The following TCF20 variants were observed in gnomAD, a reference collection of about 807,000 sequenced individuals.
TCF20 encodes SPRE-binding protein.
A neutral mutation model predicts 148.6 loss-of-function variants in TCF20; 3 were observed. That is an observed-to-expected ratio of 0.02 (90% CI 0.01 to 0.05). The LOEUF is 0.05. Among genes scored for constraint, TCF20 ranks in the 10% least tolerant of loss-of-function variants. TCF20 has a pLI of 1.00. For missense variants in TCF20, 2,350 were observed against 2,429.3 expected (o/e 0.97, Z 0.69); for synonymous variants, 1,049 against 909.5 (o/e 1.15, Z -2.76).
At chr22:42,336,130 G>A (rs758041460) in intron 1 of TCF20, among the ~76,000 whole-genome samples, 40 of 152,232 alleles carry the variant, frequency 2.6e-4, no homozygotes, top group Admixed American at 5.9e-4. Context: ...TGCAGAGGAT[G>A]GCACGGCTGC....
rs891045932 is a variant in TCF20 at position 42,211,423 on chromosome 22, C to T, written c.3883G>A (p.Ala1295Thr). The change falls in exon 2 of 6, where the codon GCA becomes ACA. Residue 1295 changes from alanine (A) to threonine (T), a missense_variant. Transcript: ENST00000677622. The part of the protein sequence containing the change: ...LHSSKEGADK[A>T]FNSYAHLSHS... The stretch of plus-strand genomic sequence containing the variant: ...GAAAGATGGGCATAGGAATTGAATG[C>T]TTTATCAGCGCCTTCTTTTGATGAG... The T allele has an allele frequency of 3.7e-6, 6 of 1,614,038 alleles. No individual in the cohort carries two copies. In the African/African-American group the frequency reaches 6.7e-5, roughly 18 times the overall value.
chr22:42,328,806 C>T (rs917379550), intron 1 of TCF20, among the ~76,000 whole-genome samples: 11 of 152,262 alleles, frequency 7.2e-5, no homozygotes, highest in African/African-American at 2.2e-4. Context: ...TTGCCCCAGA[C>T]GGGGGGGAAA....
intron 1 of TCF20, among the ~76,000 whole-genome samples, chr22:42,275,924 C>T (rs76273908): frequency 0.018 from 2,774 of 152,246 alleles, 92 homozygotes; most frequent in African/African-American, 0.063. Context: ...GTACTGTTCT[C>T]GCCTCATTTT....
chr22:42,326,294 C>T (rs566978227), intron 1 of TCF20, among the ~76,000 whole-genome samples: 2 of 152,292 alleles, frequency 1.3e-5, no homozygotes, highest in South Asian at 2.1e-4. Flanking sequence ...CCCTCTGCCC[C>T]CCACAGGAGT....
rs756240282 is a variant in TCF20, at chr22:42,210,318, C to A, written c.4988G>T (p.Gly1663Val). ...GGTCAGTGACCTCTGACCCTTCCTG[C>A]CCCTCACTAATTTGGTCTGTTCTTC... Reference protein sequence around the residue: ...EEEEQTKLVRGRKGQRSLTPP... With the variant: ...EEEEQTKLVRVRKGQRSLTPP... Residue 1663 changes from glycine to valine, a missense_variant, in exon 2 of 6, where the codon GGC becomes GTC. Gly to Val is a moderately radical substitution (Grantham distance 109). This residue lies in a region of TCF20 where 374 missense variants were observed against 398.3 expected (regional missense o/e 0.94). Coordinates refer to ENST00000677622, the MANE Select transcript of TCF20 (RefSeq NM_001378418.1). The surrounding 1 kb of genome is among the most constrained non-coding windows in gnomAD (Gnocchi z 4.7). The A allele has an allele frequency of 1.2e-6, 2 of 1,614,162 alleles. No individual in the cohort carries two copies. Among genetic ancestry groups the A allele is most frequent in the Non-Finnish European group, 1.7e-6 (2 of 1,180,022 alleles).
In TCF20 at chr22:42,212,270, A is replaced by G. The variant is rs368200692; in HGVS notation, c.3036T>C (p.Phe1012=). Residue 1012 remains phenylalanine (F), a synonymous_variant, in exon 2 of 6, where the codon TTT becomes TTC. Transcript: ENST00000677622. Reference sequence around the variant, plus strand: ...CAGGAGACATTTTCAATTTTTCTGCAAAGTCATGATATTGAGAAGGGGACC... The same window carrying G: ...CAGGAGACATTTTCAATTTTTCTGCGAAGTCATGATATTGAGAAGGGGACC... ...RGRSPSQYHD[F]AEKLKMSPGR... 1.3e-4 allele frequency: 203 copies of G among 1,614,052 alleles called. No individual in the cohort carries two copies. Among genetic ancestry groups the G allele is most frequent in the Non-Finnish European group, 1.7e-4 (199 of 1,180,028 alleles).
At chr22:42,221,739 G>GTTTTTTTTTTTTTTTTTTTTTTTTTTT (rs59283483) in intron 1 of TCF20, among the ~76,000 whole-genome samples, 2 of 92,820 alleles carry the variant, frequency 2.2e-5, no homozygotes, top group African/African-American at 5.1e-5. Flanking sequence ...ATGGCAAAGG[G>GTTTTTTTTTTTTTTTTTTTTTTTTTTT]TTTTTTTTTT....
chr22:42,182,628 G>A (rs2147102892), intron 2 of TCF20, among the ~76,000 whole-genome samples: 1 of 152,324 alleles, frequency 6.6e-6, no homozygotes, highest in Non-Finnish European at 1.5e-5. Context: ...CTGTATTAGG[G>A]ACTTAGAGAA....
intron 1 of TCF20, among the ~76,000 whole-genome samples, chr22:42,253,626 A>G (rs936449740): frequency 2.6e-5 from 4 of 152,228 alleles, no homozygotes; most frequent in Non-Finnish European, 4.4e-5. Flanking sequence ...TTAAAATCTA[A>G]TATTTTGATT....
chr22:42,226,312 A>G (rs1442768722), intron 1 of TCF20, among the ~76,000 whole-genome samples: 2 of 152,236 alleles, frequency 1.3e-5, no homozygotes, highest in Admixed American at 1.3e-4. Context: ...CAAAGGTTGT[A>G]TTAATACATA....
chr22:42,264,785 G>A (rs990356978), intron 1 of TCF20, among the ~76,000 whole-genome samples: 4 of 152,158 alleles, frequency 2.6e-5, no homozygotes, highest in South Asian at 2.1e-4. Context: ...CTCCAGAGTA[G>A]GCTCTTTCTT....
At position 42,317,077 on chromosome 22, in the gene TCF20, T is replaced by A. The variant is rs1226744729; in HGVS notation, c.-37+26402A>T. Among the ~76,000 whole-genome samples, 1 of 151,830 alleles carries A rather than the reference T, an allele frequency of 6.6e-6. No homozygotes were observed. Among genetic ancestry groups the A allele is most frequent in the African/African-American group, 2.4e-5 (1 of 41,276 alleles). ...CAACACTCTTCCCAGACACCCCAAA[T>A]CCCCCAAAGAGCACTGGCAACACTA... On this transcript the variant is annotated intron_variant, in intron 1 of 1. Transcript: ENST00000515426. This position sits in a 1 kb window ranked among gnomAD's most constrained non-coding sequence, Gnocchi z 4.2.
At chr22:42,321,298 G>A (rs1446437136) in intron 1 of TCF20, among the ~76,000 whole-genome samples, 2 of 152,202 alleles carry the variant, frequency 1.3e-5, no homozygotes, top group African/African-American at 4.8e-5. Flanking sequence ...CCCCTCTGGG[G>A]AACACAAGGG....
At chr22:42,274,734 G>C (rs134881), upstream of TCF20, 98,361 of 152,030 alleles carry the variant, frequency 0.65, 32,936 homozygotes, top group Non-Finnish European at 0.74. Flanking sequence ...TCCTAATCTG[G>C]GATGCATCCA....
At chr22:42,232,252 C>CTA (rs748542875) in intron 1 of TCF20, among the ~76,000 whole-genome samples, 7 of 152,260 alleles carry the variant, frequency 4.6e-5, no homozygotes, top group Non-Finnish European at 1.0e-4. Flanking sequence ...GAGCAATAGG[C>CTA]TATACCACAT....
chr22:42,183,955 G>C lies in TCF20; in HGVS notation c.5656-4253C>G, dbSNP rs528771557. 3.3e-5 allele frequency among the ~76,000 whole-genome samples: 5 copies of C among 152,172 alleles called. 1 individual carries two copies. Among genetic ancestry groups the C allele is most frequent in the African/African-American group, 1.2e-4 (5 of 41,506 alleles). On this transcript the variant is annotated intron_variant, in intron 2 of 5. Transcript: ENST00000677622. ...AGCTAATCTTTGTATTTTTAGTAGA[G>C]ATGAGGTTTCACCATGTTGGCCAGG... is the stretch of plus-strand genomic sequence containing the variant.
chr22:42,308,279 G>C (rs1160070418), intron 1 of TCF20, among the ~76,000 whole-genome samples: 1 of 152,142 alleles, frequency 6.6e-6, no homozygotes. Flanking sequence ...GCAAGTGAGA[G>C]AGAGAGCTCG....
rs558167887 is a variant in TCF20, at chr22:42,299,852, G to A, written c.-37+43627C>T. On this transcript the variant is annotated intron_variant, in intron 1 of 1. Coordinates refer to the TCF20 transcript ENST00000515426. This position sits in a 1 kb window ranked among gnomAD's most constrained non-coding sequence, Gnocchi z 4.1. ...AGAAGGGGGAGAAGGAAGCGGAGGG[G>A]AGGAGGGAGGAGGGAAAAGACAGAA... Among the ~76,000 whole-genome samples, 733 of 151,318 alleles carry A rather than the reference G, an allele frequency of 4.8e-3. 5 individuals carry two copies. Among genetic ancestry groups the A allele is most frequent in the Non-Finnish European group, 6.9e-3 (468 of 67,766 alleles).
chr22:42,209,193 C>T (rs755734240), intron 2 of TCF20, among the ~76,000 whole-genome samples: 2 of 152,190 alleles, frequency 1.3e-5, no homozygotes, highest in African/African-American at 2.4e-5. Context: ...CACTCCCACA[C>T]ACCCTTTCTC....
Sources: allele counts gnomAD v4.1 joint callset (sites outside exome capture counted in the v4.1 genomes callset), GRCh38; gene constraint gnomAD v4.1.1; regional missense constraint gnomAD v4.1.1; non-coding constraint Gnocchi (gnomAD v3.1); transcripts MANE v1.5; gene names NCBI Gene and HGNC (gene_info 2026-07-23, HGNC 2026-07-21).